PTPRD: variants seen among roughly 807,000 people sequenced by gnomAD.
PTPRD encodes the protein protein tyrosine phosphatase receptor type D.
A neutral mutation model predicts 214.5 loss-of-function variants in PTPRD; 34 were observed. The observed-to-expected ratio is 0.16, with a 90% confidence interval of 0.12 to 0.21. The LOEUF (loss-of-function observed/expected upper bound fraction) is 0.21, where lower values mean the gene tolerates loss of function less well. PTPRD is among the 10% of genes least tolerant of loss of function. The pLI is 1.00. For synonymous variants in PTPRD, 1,128 were observed against 845.7 expected (o/e 1.33, Z -5.79); for missense variants, 2,545 against 2,398.7 (o/e 1.06, Z -1.27).
intron 2 of PTPRD, among the ~76,000 whole-genome samples, chr9:10,481,856 G>C (rs1208594197): frequency 1.3e-5 from 2 of 152,064 alleles, no homozygotes; most frequent in African/African-American, 2.4e-5. Context: ...GAGAGGTAGA[G>C]GACAACCAGC....
chr9:8,580,959 G>C (rs944028203), intron 14 of PTPRD, among the ~76,000 whole-genome samples: 1 of 152,122 alleles, frequency 6.6e-6, no homozygotes, highest in East Asian at 1.9e-4. Flanking sequence ...TTTGTTGTTG[G>C]TAATTGCAAA....
intron 10 of PTPRD, among the ~76,000 whole-genome samples, chr9:9,169,480 A>G (rs1279311305): frequency 6.6e-6 from 1 of 152,178 alleles, no homozygotes; most frequent in Non-Finnish European, 1.5e-5. Context: ...AGGAGATTAA[A>G]TGAGAAAACC....
intron 8 of PTPRD, among the ~76,000 whole-genome samples, chr9:9,490,899 C>T (rs559021540): frequency 5.5e-5 from 6 of 108,300 alleles, no homozygotes; most frequent in East Asian, 3.3e-4. Context: ...TATAAATGAA[C>T]GAATTGTTTG....
intron 10 of PTPRD, among the ~76,000 whole-genome samples, chr9:9,091,963 T>C (rs1248093843): frequency 2.0e-5 from 3 of 152,206 alleles, no homozygotes; most frequent in Admixed American, 6.5e-5. Flanking sequence ...GATTAGACAA[T>C]GGTTTTTAAG....
chr9:10,098,879 C>T (rs1329342366), intron 3 of PTPRD, among the ~76,000 whole-genome samples: 1 of 151,874 alleles, frequency 6.6e-6, no homozygotes, highest in Non-Finnish European at 1.5e-5. Flanking sequence ...TGCACTTCAC[C>T]ATTTCAGTTC....
intron 2 of PTPRD, among the ~76,000 whole-genome samples, chr9:10,567,164 G>C (rs2065887720): frequency 6.6e-6 from 1 of 152,008 alleles, no homozygotes; most frequent in Admixed American, 6.6e-5. Flanking sequence ...TTTAAGAACA[G>C]AGATACACTA....
chr9:9,910,331 C>T (rs2078835300), intron 5 of PTPRD, among the ~76,000 whole-genome samples: 1 of 151,926 alleles, frequency 6.6e-6, no homozygotes, highest in Admixed American at 6.6e-5. Flanking sequence ...TTTCATCTCT[C>T]ATGATACATG....
intron 9 of PTPRD, among the ~76,000 whole-genome samples, chr9:9,253,577 T>C (rs1435060098): frequency 2.0e-5 from 3 of 152,088 alleles, no homozygotes; most frequent in Admixed American, 6.6e-5. Context: ...TTGCTTCAGT[T>C]TGAGTGATTT....
chr9:9,532,580 T>A (rs1370890218), intron 8 of PTPRD, among the ~76,000 whole-genome samples: 1 of 152,156 alleles, frequency 6.6e-6, no homozygotes, highest in Non-Finnish European at 1.5e-5. Flanking sequence ...TCAGGAAAGC[T>A]ACATGAAAAG....
intron 10 of PTPRD, among the ~76,000 whole-genome samples, chr9:9,041,250 G>A (rs1010793835): frequency 2.6e-5 from 4 of 151,964 alleles, no homozygotes; most frequent in African/African-American, 4.8e-5. Flanking sequence ...GTACAGGTGC[G>A]GGTTTGTTAT....
At chr9:9,616,878 T>G (rs79164075) in intron 7 of PTPRD, among the ~76,000 whole-genome samples, 4 of 152,158 alleles carry the variant, frequency 2.6e-5, no homozygotes, top group Middle Eastern at 3.4e-3. Flanking sequence ...TCTGAGAGAC[T>G]GTTTGTTATG....
intron 9 of PTPRD, among the ~76,000 whole-genome samples, chr9:9,306,444 G>T (rs1313336070): frequency 2.7e-5 from 4 of 150,704 alleles, no homozygotes; most frequent in Non-Finnish European, 5.9e-5. Flanking sequence ...CACACCTGTA[G>T]TCCCAGCTAC....
At chr9:10,242,680 G>A (rs1482876113) in intron 3 of PTPRD, among the ~76,000 whole-genome samples, 1 of 55,468 alleles carries the variant, frequency 1.8e-5, no homozygotes, top group Non-Finnish European at 3.5e-5. Context: ...CAGCTTAAGG[G>A]CTTACTTAAT....
chr9:8,528,541 TAA>T (rs3215749), intron 15 of PTPRD, 48 bp downstream of exon 15: 78 of 1,314,312 alleles, frequency 5.9e-5, no homozygotes, highest in African/African-American at 2.0e-4. Context: ...AGAGAAAAAT[TAA>T]AAAAAAAAAT....
rs141830595 is a variant in PTPRD at position 10,464,582 on chromosome 9, G to T, written c.-599-123565C>A. Among the ~76,000 whole-genome samples the T allele has an allele frequency of 1.7e-3, 259 of 151,828 alleles. 1 individual carries two copies. Among genetic ancestry groups the T allele is most frequent in the African/African-American group, 6.1e-3 (251 of 41,412 alleles). The stretch of plus-strand genomic sequence containing the variant: ...TGTGTGAGGAGAGCATACAGAATAA[G>T]GTACACCCCTATATCACAGATTAAA... On this transcript the variant is annotated intron_variant, in intron 2 of 45. Coordinates refer to ENST00000381196, the MANE Select transcript of PTPRD (RefSeq NM_002839.4).
At chr9:9,748,596 G>T (rs893805868) in intron 6 of PTPRD, among the ~76,000 whole-genome samples, 1 of 152,154 alleles carries the variant, frequency 6.6e-6, no homozygotes, top group Non-Finnish European at 1.5e-5. Flanking sequence ...TACTGCTGAG[G>T]TACTGAAGGA....
At chr9:10,487,966 G>GTCTCCCTCTCTCTCTCTCTCTCTC (rs1491332095) in intron 2 of PTPRD, among the ~76,000 whole-genome samples, 2 of 110,270 alleles carry the variant, frequency 1.8e-5, no homozygotes, top group African/African-American at 7.7e-5. Flanking sequence ...AATGAACACA[G>GTCTCCCTCTCTCTCTCTCTCTCTC]TCTCTCTCTC....
intron 5 of PTPRD, among the ~76,000 whole-genome samples, chr9:9,784,956 T>C (rs550325236): frequency 1.3e-5 from 2 of 151,576 alleles, no homozygotes; most frequent in Admixed American, 1.3e-4. Flanking sequence ...GGGTTTGCTA[T>C]GTACAGGGTT....
intron 35 of PTPRD, among the ~76,000 whole-genome samples, chr9:8,413,002 T>C (rs563045210): frequency 6.6e-6 from 1 of 152,316 alleles, no homozygotes; most frequent in Non-Finnish European, 1.5e-5. Flanking sequence ...CGACTGATAT[T>C]ACAACATCAT....
Sources: gnomAD v4.1 joint callset for allele counts (sites outside exome capture counted in the v4.1 genomes callset) on GRCh38, gnomAD v4.1.1 for gene constraint, MANE v1.5 for transcripts, NCBI Gene and HGNC (gene_info 2026-07-23, HGNC 2026-07-21) for gene names.